Variants in TMEM117 observed in about 807,000 individuals in gnomAD.
TMEM117 encodes transmembrane protein 117.
TMEM117 carries 27 observed loss-of-function variants against 52.4 expected under a neutral mutation model. That is an observed-to-expected ratio of 0.51 (90% CI 0.38 to 0.71). TMEM117 has a LOEUF of 0.71. Among genes scored for constraint, TMEM117 ranks in the 30% least tolerant of loss-of-function variants. The pLI is 0.00. For missense variants in TMEM117, 556 were observed against 630.5 expected (o/e 0.88, Z 1.26); for synonymous variants, 215 against 206.3 (o/e 1.04, Z -0.36).
At chr12:44,311,983 A>T (rs1167336703) in intron 6 of TMEM117, among the ~76,000 whole-genome samples, 1 of 150,538 alleles carries the variant, frequency 6.6e-6, no homozygotes, top group Non-Finnish European at 1.5e-5. Context: ...TCCTCTTTAC[A>T]TGCCAGATGG....
chr12:43,813,677 CAAAG>C, the TMEM117 span, among the ~76,000 whole-genome samples: 4 of 152,104 alleles, frequency 2.6e-5, no homozygotes, highest in Non-Finnish European at 4.4e-5. Flanking sequence ...TCTACACTCT[CAAAG>C]AAGCTCATTT....
Position 44,087,247 on chromosome 12 carries a change from A to G in TMEM117, c.411-56278A>G, listed in dbSNP as rs535505943. On this transcript the variant is annotated intron_variant, in intron 3 of 7. Transcript: ENST00000266534. The stretch of plus-strand genomic sequence containing the variant: ...TAGCTCAGTCAGAATTTTAATCAAT[A>G]TTCGTATTGCCCTAAAAATACTCTT... 1.4e-4 allele frequency among the ~76,000 whole-genome samples: 22 copies of G among 152,046 alleles called. No homozygotes were observed. In the South Asian group the frequency reaches 4.4e-3, roughly 30 times the overall value.
intron 2 of TMEM117, among the ~76,000 whole-genome samples, chr12:43,937,033 A>G (rs1019730987): frequency 1.3e-5 from 2 of 152,164 alleles, no homozygotes; most frequent in African/African-American, 2.4e-5. Flanking sequence ...AAGTCCCCCA[A>G]GAGAGGAGGG....
chr12:44,159,248 C>A (rs1312313567), intron 4 of TMEM117, among the ~76,000 whole-genome samples: 1 of 152,114 alleles, frequency 6.6e-6, no homozygotes, highest in Admixed American at 6.6e-5. Flanking sequence ...GATGGAATGT[C>A]TGTTACTGCC....
At chr12:44,152,926 A>T (rs917987007) in intron 4 of TMEM117, among the ~76,000 whole-genome samples, 1 of 149,056 alleles carries the variant, frequency 6.7e-6, no homozygotes, top group Non-Finnish European at 1.5e-5. Context: ...TTAAGTATAT[A>T]TTTATATATA....
intron 6 of TMEM117, among the ~76,000 whole-genome samples, chr12:44,354,020 G>C (rs1428424260): frequency 6.6e-6 from 1 of 152,116 alleles, no homozygotes; most frequent in Non-Finnish European, 1.5e-5. Flanking sequence ...CACATCCCTT[G>C]TAAGTTGGCT....
chr12:43,945,066 G>A (rs373885788), intron 3 of TMEM117, among the ~76,000 whole-genome samples: 6 of 151,540 alleles, frequency 4.0e-5, no homozygotes, highest in Non-Finnish European at 7.4e-5. Flanking sequence ...AGCCAAGATC[G>A]TGCCACTGCA....
chr12:44,226,501 ATGTG>A (rs56709250), intron 5 of TMEM117, among the ~76,000 whole-genome samples: 65 of 149,272 alleles, frequency 4.4e-4, no homozygotes, highest in Admixed American at 1.6e-3. Flanking sequence ...AAATATATAT[ATGTG>A]TGTGTGTGTG....
At chr12:44,050,895 T>C (rs1220806849) in intron 3 of TMEM117, among the ~76,000 whole-genome samples, 2 of 152,232 alleles carry the variant, frequency 1.3e-5, no homozygotes, top group Non-Finnish European at 2.9e-5. Context: ...ATATCGCCCA[T>C]GTCCTAGGAA....
intron 4 of TMEM117, among the ~76,000 whole-genome samples, chr12:44,157,483 C>G (rs758975509): frequency 1.4e-4 from 22 of 152,186 alleles, no homozygotes; most frequent in East Asian, 1.9e-4. Context: ...ATTTTAACAT[C>G]TTTTTATTGT....
chr12:43,803,475 G>T, the TMEM117 span, among the ~76,000 whole-genome samples: 3 of 152,022 alleles, frequency 2.0e-5, no homozygotes, highest in African/African-American at 7.2e-5. Context: ...AGGTATTTAT[G>T]ATACAATTTT....
intron 2 of TMEM117, among the ~76,000 whole-genome samples, chr12:43,893,745 A>G (rs1029772149): frequency 5.3e-5 from 8 of 152,110 alleles, no homozygotes; most frequent in African/African-American, 1.9e-4. Context: ...CTTATCTATT[A>G]CTGCCTAAAA....
chr12:44,290,841 A>C (rs990824005), intron 5 of TMEM117, among the ~76,000 whole-genome samples: 1 of 152,018 alleles, frequency 6.6e-6, no homozygotes, highest in Non-Finnish European at 1.5e-5. Flanking sequence ...AGGTCTCACT[A>C]TGTTACCCAG....
intron 3 of TMEM117, among the ~76,000 whole-genome samples, chr12:44,134,485 AGT>A (rs1948461358): frequency 6.6e-6 from 1 of 152,196 alleles, no homozygotes; most frequent in Non-Finnish European, 1.5e-5. Flanking sequence ...GAGAGAGGGG[AGT>A]GCTATTCTAA....
At chr12:43,992,027 G>T (rs1294924886) in intron 3 of TMEM117, among the ~76,000 whole-genome samples, 2 of 151,964 alleles carry the variant, frequency 1.3e-5, no homozygotes, top group African/African-American at 4.8e-5. Flanking sequence ...GCTGGGAGTG[G>T]TGGCACATGC....
At chr12:44,376,403 A>T in intron 6 of TMEM117, 192 bp from the exon 7 acceptor site, 1 of 687,208 alleles carries the variant, frequency 1.5e-6, no homozygotes. Context: ...GTTATGACTT[A>T]ATTTTGATTT....
chr12:44,070,929 T>C (rs1592491172), intron 3 of TMEM117, among the ~76,000 whole-genome samples: 2 of 152,086 alleles, frequency 1.3e-5, no homozygotes, highest in African/African-American at 4.8e-5. Flanking sequence ...GTAAGGAAAA[T>C]CCTTACTCTC....
intron 3 of TMEM117, among the ~76,000 whole-genome samples, chr12:44,108,356 T>G (rs1442489933): frequency 9.7e-6 from 1 of 103,192 alleles, no homozygotes; most frequent in Non-Finnish European, 2.0e-5. Context: ...CCCTCCCCCC[T>G]CCCCCGACCC....
intron 6 of TMEM117, among the ~76,000 whole-genome samples, chr12:44,339,965 A>G (rs910813897): frequency 1.3e-5 from 2 of 152,116 alleles, no homozygotes; most frequent in Non-Finnish European, 2.9e-5. Context: ...AAAGTCTGCA[A>G]TGCACTGCCA....
Sources: gnomAD v4.1 joint callset for allele counts (sites outside exome capture counted in the v4.1 genomes callset) on GRCh38, gnomAD v4.1.1 for gene constraint, MANE v1.5 for transcripts, NCBI Gene and HGNC (gene_info 2026-07-23, HGNC 2026-07-21) for gene names.